The following TBC1D12 variants were observed in gnomAD, a reference collection of about 807,000 sequenced individuals.
The protein encoded by TBC1D12 is TBC1 domain family, member 12.
A neutral mutation model predicts 86.7 loss-of-function variants in TBC1D12; 56 were observed. That is an observed-to-expected ratio of 0.65 (90% CI 0.52 to 0.81). TBC1D12 has a LOEUF of 0.81. TBC1D12 is among the 30% of genes least tolerant of loss of function. TBC1D12 has a pLI of 0.00. For synonymous variants in TBC1D12, 421 were observed against 411.7 expected, an observed-to-expected ratio of 1.02 and a Z score of -0.27; for missense variants, 1,023 against 1,038.8, an observed-to-expected ratio of 0.98 and a Z score of 0.21.
chr10:94,507,843 G>C (rs141402539), intron 7 of TBC1D12, among the ~76,000 whole-genome samples: 1 of 151,960 alleles, frequency 6.6e-6, no homozygotes, highest in Non-Finnish European at 1.5e-5. Context: ...AAAATTAGCC[G>C]GGCGTGGTGG....
At chr10:94,489,366 A>G (rs1417691854) in intron 3 of TBC1D12, among the ~76,000 whole-genome samples, 1 of 152,226 alleles carries the variant, frequency 6.6e-6, no homozygotes, top group Non-Finnish European at 1.5e-5. Context: ...CTCCTAGCCA[A>G]GAAGCCACTG....
intron 4 of TBC1D12, among the ~76,000 whole-genome samples, chr10:94,495,527 C>G (rs2056304689): frequency 6.6e-6 from 1 of 152,038 alleles, no homozygotes; most frequent in Non-Finnish European, 1.5e-5. Flanking sequence ...TGTAAGATAA[C>G]TATTGGTACT....
At position 94,403,123 on chromosome 10, in the gene TBC1D12, C is replaced by T; in HGVS notation, c.510C>T (p.Gly170=). 5 of 1,389,268 alleles carry T rather than the reference C, an allele frequency of 3.6e-6. No homozygotes were observed. The highest frequency in any genetic ancestry group is 2.8e-6 in the Non-Finnish European group (3 of 1,077,892). 86.1% of individuals were successfully genotyped at this position (1,389,268 alleles called of 1,614,324 possible). Residue 170 remains glycine, a synonymous_variant, in exon 1 of 13, where the codon GGC becomes GGT. Transcript: ENST00000225235. The part of the protein sequence containing the change: ...GRESRRRRPY[G]RLRLEGPGDE... Reference sequence around the variant, plus strand: ...AGTCGCGCCGCCGCCGCCCCTACGGCCGCCTTCGCCTGGAGGGGCCTGGCG... The same window carrying T: ...AGTCGCGCCGCCGCCGCCCCTACGGTCGCCTTCGCCTGGAGGGGCCTGGCG...
At chr10:94,422,291 G>A (rs1426462193) in intron 1 of TBC1D12, among the ~76,000 whole-genome samples, 1 of 147,352 alleles carries the variant, frequency 6.8e-6, no homozygotes, top group Non-Finnish European at 1.5e-5. Context: ...CCGGGTTCAA[G>A]CAATTCTCGT....
intron 1 of TBC1D12, among the ~76,000 whole-genome samples, chr10:94,434,338 T>A (rs1344293916): frequency 6.6e-6 from 1 of 151,646 alleles, no homozygotes; most frequent in Admixed American, 6.6e-5. Context: ...AAACCCTGTC[T>A]CTACTAAAAA....
intron 2 of TBC1D12, among the ~76,000 whole-genome samples, chr10:94,464,698 T>C (rs2055780734): frequency 6.6e-6 from 1 of 152,272 alleles, no homozygotes; most frequent in South Asian, 2.1e-4. Flanking sequence ...CCTCAAAGGG[T>C]TTTTGTTTAT....
intron 4 of TBC1D12, among the ~76,000 whole-genome samples, chr10:94,493,818 A>G (rs1022794063): frequency 1.3e-5 from 2 of 152,144 alleles, no homozygotes; most frequent in Non-Finnish European, 2.9e-5. Flanking sequence ...AAGGAGGAAT[A>G]AAATGACATA....
In TBC1D12 at chr10:94,521,981, A is replaced by G. The variant is rs1338416464; in HGVS notation, c.1788A>G (p.Ala596=). Residue 596 remains alanine (A), a synonymous_variant, in exon 10 of 13, where the codon GCA becomes GCG. Coordinates refer to ENST00000225235, the MANE Select transcript of TBC1D12 (RefSeq NM_015188.2). ...TCCAAGGGATGTCCTTCATTGCAGC[A>G]GTACTCATTCTCAATTTGGAAGAGG... ...GYVQGMSFIA[A]VLILNLEEAD... 6.2e-7 allele frequency: 1 copy of G among 1,610,980 alleles called. No homozygotes were observed. The highest frequency in any genetic ancestry group is 8.5e-7 in the Non-Finnish European group (1 of 1,177,900).
chr10:94,520,488 T>A (rs1311193916), intron 9 of TBC1D12, among the ~76,000 whole-genome samples: 1 of 151,078 alleles, frequency 6.6e-6, no homozygotes, highest in African/African-American at 2.4e-5. Context: ...GAGGCGGAGG[T>A]TGCAGTGAGC....
At chr10:94,496,035 A>G (rs906531531) in intron 4 of TBC1D12, among the ~76,000 whole-genome samples, 1 of 151,998 alleles carries the variant, frequency 6.6e-6, no homozygotes, top group African/African-American at 2.4e-5. Flanking sequence ...CCCGGGAGGT[A>G]GAGGTTGCAG....
chr10:94,434,364 G>A (rs973709997), intron 1 of TBC1D12, among the ~76,000 whole-genome samples: 1 of 151,928 alleles, frequency 6.6e-6, no homozygotes, highest in Non-Finnish European at 1.5e-5. Flanking sequence ...AAATTAGCCA[G>A]GCGTGGTGGT....
chr10:94,516,021 T>G (rs937170591), intron 9 of TBC1D12, among the ~76,000 whole-genome samples: 1 of 152,144 alleles, frequency 6.6e-6, no homozygotes, highest in African/African-American at 2.4e-5. Flanking sequence ...TTAAAACTTA[T>G]GACTTGTTTG....
chr10:94,449,177 T>C (rs2055513879), intron 2 of TBC1D12, among the ~76,000 whole-genome samples: 2 of 152,218 alleles, frequency 1.3e-5, no homozygotes, highest in South Asian at 4.1e-4. Context: ...GAAAATACTC[T>C]GAATATCTAT....
intron 4 of TBC1D12, 147 bp downstream of exon 4, chr10:94,493,594 C>T: frequency 1.5e-6 from 1 of 683,576 alleles, no homozygotes. Context: ...CTCTGTTGCC[C>T]AGCCTGGTAT....
Position 94,497,146 on chromosome 10 carries a change from TGAAATAC to T in TBC1D12, c.1387_1393del (p.Glu463CysfsTer6). 6.4e-7 allele frequency: 1 copy of T among 1,555,702 alleles called. No homozygotes were observed. Among genetic ancestry groups the T allele is most frequent in the Non-Finnish European group, 8.6e-7 (1 of 1,158,844 alleles). Reference sequence around the variant, plus strand: ...CAAGTGCAATGGTAATTTGGATCAATGAAATACTGCCCAATTGGGAAGTAATGTAAGT... The same window carrying T: ...CAAGTGCAATGGTAATTTGGATCAATTGCCCAATTGGGAAGTAATGTAAGT... On this transcript the variant is annotated frameshift_variant, in exon 5 of 13. Coordinates refer to ENST00000225235, the MANE Select transcript of TBC1D12 (RefSeq NM_015188.2). LOFTEE classifies it high-confidence loss of function.
intron 2 of TBC1D12, among the ~76,000 whole-genome samples, chr10:94,453,649 T>TATTTATTTATTTTTA (rs1233498949): frequency 2.1e-4 from 32 of 152,312 alleles, no homozygotes; most frequent in African/African-American, 7.0e-4. Context: ...TTTTATTTTT[T>TATTTATTTATTTTTA]TGTAGATCAT....
intron 1 of TBC1D12, among the ~76,000 whole-genome samples, chr10:94,429,358 T>A (rs2055186411): frequency 6.6e-6 from 1 of 152,116 alleles, no homozygotes; most frequent in South Asian, 2.1e-4. Context: ...AAAAGAAAAT[T>A]CTTGGAATTA....
At chr10:94,466,418 A>ATATATATG (rs149545572) in intron 2 of TBC1D12, among the ~76,000 whole-genome samples, 1 of 152,014 alleles carries the variant, frequency 6.6e-6, no homozygotes, top group Non-Finnish European at 1.5e-5. Flanking sequence ...TTGACAACAT[A>ATATATATG]TATATATGTA....
intron 2 of TBC1D12, among the ~76,000 whole-genome samples, chr10:94,458,544 T>C (rs1241918895): frequency 6.6e-6 from 1 of 152,178 alleles, no homozygotes; most frequent in Non-Finnish European, 1.5e-5. Flanking sequence ...TGTCTGGAAT[T>C]GGTGGGTTCT....
Sources: gnomAD v4.1 joint callset for allele counts (sites outside exome capture counted in the v4.1 genomes callset) on GRCh38, gnomAD v4.1.1 for gene constraint, MANE v1.5 for transcripts, NCBI Gene and HGNC (gene_info 2026-07-23, HGNC 2026-07-21) for gene names.